Variants in ZNF320 observed in about 807,000 individuals in gnomAD.
ZNF320 encodes zinc finger gene 320.
ZNF320 carries 2 observed loss-of-function variants against 6.8 expected under a neutral mutation model. That is an observed-to-expected ratio of 0.29 (90% CI 0.12 to 0.93). The LOEUF (loss-of-function observed/expected upper bound fraction) is 0.93. Ranked by LOEUF, ZNF320 falls within the 40% of genes least tolerant of loss-of-function variation. The pLI, the probability that ZNF320 is intolerant of heterozygous loss-of-function variation, is 0.55. For missense variants in ZNF320, 472 were observed against 611.0 expected (o/e 0.77, Z 2.40); for synonymous variants, 208 against 203.2 (o/e 1.02, Z -0.20).
Position 52,880,494 on chromosome 19 carries a change from C to A in ZNF320, c.*102G>T. ...GGGATTACAGGTGTGAGACACCACG[C>A]CTGGCCCAATCCTCTTAACATAAAC... is the stretch of plus-strand genomic sequence containing the variant. On this transcript the variant is annotated 3_prime_UTR_variant, in exon 6 of 6. Transcript: ENST00000682928. The A allele has an allele frequency of 8.1e-7, 1 of 1,236,636 alleles. No individual in the cohort carries two copies. Among genetic ancestry groups the A allele is most frequent in the African/African-American group, 1.5e-5 (1 of 66,104 alleles). The allele number at this position is 1,236,636 out of a possible 1,614,324, so 76.6% of individuals were successfully genotyped here.
chr19:52,881,418 A>G lies in ZNF320; in HGVS notation c.708T>C (p.His236=), dbSNP rs761103504. The change falls in exon 6 of 6, where the codon CAT becomes CAC. Residue 236 remains histidine (H), a synonymous_variant. Coordinates refer to ENST00000682928, the MANE Select transcript of ZNF320 (RefSeq NM_001351774.2). Reference sequence around the variant, plus strand: ...AAGGTTTCTCTCCAGTATGACTTCTATGATGACATGCAAGGGTTGCTTTTT... The same window carrying G: ...AAGGTTTCTCTCCAGTATGACTTCTGTGATGACATGCAAGGGTTGCTTTTT... The part of the protein sequence containing the change: ...FDQKATLACH[H]RSHTGEKPYK... The G allele has an allele frequency of 7.4e-6, 12 of 1,613,580 alleles. No individual in the cohort carries two copies. Among genetic ancestry groups the G allele is most frequent in the Non-Finnish European group, 9.3e-6 (11 of 1,179,908 alleles).
chr19:52,862,343 A>G, exon 6 of ZNF320: 1 of 523,048 alleles, frequency 1.9e-6, no homozygotes, highest in South Asian at 1.4e-5. Flanking sequence ...CACAAACCTT[A>G]CATTTGTATG....
exon 6 of ZNF320, chr19:52,862,468 A>T: frequency 2.7e-6 from 1 of 374,260 alleles, no homozygotes; most frequent in Non-Finnish European, 5.4e-6. Context: ...GGTATGAATG[A>T]TGACTGTAAA....
intron 3 of ZNF320, among the ~76,000 whole-genome samples, chr19:52,890,677 G>A (rs1174684534): frequency 6.6e-6 from 1 of 152,080 alleles, no homozygotes; most frequent in Non-Finnish European, 1.5e-5. Flanking sequence ...TTTGTGACTA[G>A]CCTAGGCAAC....
chr19:52,899,841 A>G (rs1297158303), upstream of ZNF320, among the ~76,000 whole-genome samples: 1 of 152,180 alleles, frequency 6.6e-6, no homozygotes. Flanking sequence ...ATAATTTTTA[A>G]AACAGCTTGC....
chr19:52,859,914 C>CTTTT (rs36107250), downstream of ZNF320, among the ~76,000 whole-genome samples: 1 of 130,884 alleles, frequency 7.6e-6, no homozygotes, highest in African/African-American at 2.9e-5. Flanking sequence ...GTTTTTCTTT[C>CTTTT]TTTTTTTTTT....
intron 5 of ZNF320, among the ~76,000 whole-genome samples, chr19:52,887,463 T>C (rs907842192): frequency 2.6e-5 from 4 of 152,226 alleles, no homozygotes; most frequent in African/African-American, 9.6e-5. Context: ...GACTGCCTCA[T>C]TCTGAATGCT....
rs1485600393 is a variant in ZNF320 at position 52,890,298 on chromosome 19, C to T, written c.-43G>A. 11 of 1,601,742 alleles carry T rather than the reference C, an allele frequency of 6.9e-6. No individual in the cohort carries two copies. The Admixed American group carries it at 1.2e-4, about 17-fold the overall frequency. On this transcript the variant is annotated 5_prime_UTR_variant, in exon 4 of 6. Transcript: ENST00000682928. ...TCCTCTTCCTCTTCTGGGTTTCTTC[C>T]TCAGGTACCAAGAGTCTTTAGAAGT...
rs1277459743 is a variant in ZNF320 at position 52,878,948 on chromosome 19, A to G, written c.*1648T>C. ...TGACCCAACTGTCTCAGCCTCTGAA[A>G]ATTATGGGATTACAGGCCTGAGCCA... On this transcript the variant is annotated 3_prime_UTR_variant, in exon 6 of 6. Transcript: ENST00000682928. 1 of 152,160 alleles carries G rather than the reference A, an allele frequency of 6.6e-6. No homozygotes were observed. Among genetic ancestry groups the G allele is most frequent in the Non-Finnish European group, 1.5e-5 (1 of 68,042 alleles). 9.4% of individuals were successfully genotyped at this position (152,160 alleles called of 1,614,324 possible). A position where few individuals can be genotyped will look rare whatever the true frequency, so the allele number is the denominator to read the frequency against.
At chr19:52,898,792 T>C (rs2064545402), upstream of ZNF320, among the ~76,000 whole-genome samples, 1 of 152,242 alleles carries the variant, frequency 6.6e-6, no homozygotes, top group Admixed American at 6.5e-5. Context: ...TACAATGTTC[T>C]TCTATACAAT....
At chr19:52,896,386 C>A (rs997669744) in intron 1 of ZNF320, among the ~76,000 whole-genome samples, 1 of 152,194 alleles carries the variant, frequency 6.6e-6, no homozygotes, top group Non-Finnish European at 1.5e-5. Flanking sequence ...CCATTGCACA[C>A]GGCCTTTATT....
chr19:52,885,098 A>G (rs781245754), intron 5 of ZNF320, among the ~76,000 whole-genome samples: 11 of 152,092 alleles, frequency 7.2e-5, no homozygotes, highest in Non-Finnish European at 1.3e-4. Context: ...GCTACTTGAG[A>G]GGCTGAGGCA....
intron 5 of ZNF320, among the ~76,000 whole-genome samples, chr19:52,884,534 T>A (rs2064017017): frequency 6.6e-6 from 1 of 152,160 alleles, no homozygotes; most frequent in African/African-American, 2.4e-5. Context: ...GCCAGGCTTG[T>A]CTTGAACTCC....
chr19:52,881,637 A>C lies in ZNF320; in HGVS notation c.489T>G (p.Cys163Trp). 1.2e-6 allele frequency: 2 copies of C among 1,614,030 alleles called. No homozygotes were observed. Among genetic ancestry groups the C allele is most frequent in the Non-Finnish European group, 1.7e-6 (2 of 1,179,950 alleles). ...AACTGAAAACTTTCTCACATTCTTC[A>C]CATTTGTAAGGTTTCTCTCCAGTAT... ...RIHTGEKPYK[C>W]EECEKVFSCK... The change falls in exon 6 of 6, where the codon TGT (cysteine) becomes TGG (tryptophan). Residue 163 changes from cysteine (C) to tryptophan (W), a missense_variant. Coordinates refer to ENST00000682928, the MANE Select transcript of ZNF320 (RefSeq NM_001351774.2).
chr19:52,895,614 C>T (rs1288034310), intron 1 of ZNF320: 1 of 152,072 alleles, frequency 6.6e-6, no homozygotes, highest in Non-Finnish European at 1.5e-5. Context: ...AGTTCAAGAC[C>T]AGCCTGGCCA....
chr19:52,902,218 C>T (rs1600671325), upstream of ZNF320, among the ~76,000 whole-genome samples: 4 of 152,180 alleles, frequency 2.6e-5, no homozygotes, highest in South Asian at 6.2e-4. Flanking sequence ...TCCTCTCTGC[C>T]GTGAGATACA....
At chr19:52,865,509 T>TA (rs1491499884) in intron 5 of ZNF320, 3 of 137,114 alleles carry the variant, frequency 2.2e-5, no homozygotes, top group African/African-American at 8.7e-5. Context: ...TACATATATA[T>TA]TTATATATTA....
exon 6 of ZNF320, chr19:52,863,977 A>G (rs992483066): frequency 4.6e-6 from 2 of 438,120 alleles, no homozygotes; most frequent in Non-Finnish European, 8.7e-6. Context: ...CAAAACCAGG[A>G]AAAGCCAAGA....
At chr19:52,862,202 G>A in exon 6 of ZNF320, 1 of 482,234 alleles carries the variant, frequency 2.1e-6, no homozygotes. Context: ...ACCATGGATT[G>A]CCTGATGGAT....
Sources: allele counts gnomAD v4.1 joint callset (sites outside exome capture counted in the v4.1 genomes callset), GRCh38; gene constraint gnomAD v4.1.1; transcripts MANE v1.5; gene names NCBI Gene and HGNC (gene_info 2026-07-23, HGNC 2026-07-21).